Variants in NRXN3 observed in about 807,000 individuals in gnomAD.
NRXN3 encodes neurexin III.
A neutral mutation model predicts 137.6 loss-of-function variants in NRXN3; 32 were observed. That is an observed-to-expected ratio of 0.23 (90% confidence interval 0.18 to 0.31). The LOEUF is 0.31. Among genes scored for constraint, NRXN3 ranks in the 10% least tolerant of loss-of-function variants. The pLI, the probability that NRXN3 is intolerant of heterozygous loss-of-function variation, is 1.00. For synonymous variants in NRXN3, 798 were observed against 784.5 expected, an observed-to-expected ratio of 1.02 and a Z score of -0.29; for missense variants, 1,574 against 2,062.5, an observed-to-expected ratio of 0.76 and a Z score of 4.59.
At chr14:79,691,726 A>G (rs1383897690) in intron 17 of NRXN3, among the ~76,000 whole-genome samples, 2 of 152,042 alleles carry the variant, frequency 1.3e-5, no homozygotes, top group Admixed American at 6.6e-5. Flanking sequence ...ACATGGCCCT[A>G]TGTTTCTGAT....
chr14:78,285,755 G>C (rs1841138875), intron 3 of NRXN3, among the ~76,000 whole-genome samples: 1 of 152,248 alleles, frequency 6.6e-6, no homozygotes, highest in Admixed American at 6.5e-5. Flanking sequence ...GGTTCACCCT[G>C]AGACAGAAGG....
chr14:79,217,758 G>T (rs1286388801), intron 15 of NRXN3, among the ~76,000 whole-genome samples: 2 of 152,080 alleles, frequency 1.3e-5, no homozygotes, highest in East Asian at 1.9e-4. Context: ...ACTGGTCTAA[G>T]GTATAGACCA....
At chr14:78,216,459 ATC>A (rs1311693150) in intron 1 of NRXN3, among the ~76,000 whole-genome samples, 1 of 152,008 alleles carries the variant, frequency 6.6e-6, no homozygotes, top group Non-Finnish European at 1.5e-5. Context: ...CTGTTTTCCC[ATC>A]TTGTTCTACC....
chr14:79,128,090 GT>G (rs1396041125), intron 15 of NRXN3, among the ~76,000 whole-genome samples: 6 of 150,346 alleles, frequency 4.0e-5, no homozygotes, highest in African/African-American at 1.5e-4. Flanking sequence ...AGACAGTGGG[GT>G]TTTCTAGATA....
chr14:79,609,626 T>G (rs2098073153), intron 16 of NRXN3, among the ~76,000 whole-genome samples: 1 of 152,178 alleles, frequency 6.6e-6, no homozygotes, highest in Non-Finnish European at 1.5e-5. Flanking sequence ...CCCTTATTGA[T>G]CCCTATTTAT....
chr14:79,379,251 T>C (rs1325782631), intron 15 of NRXN3, among the ~76,000 whole-genome samples: 1 of 152,192 alleles, frequency 6.6e-6, no homozygotes, highest in Non-Finnish European at 1.5e-5. Context: ...ATGATTTTGG[T>C]AAATCCTTAA....
intron 15 of NRXN3, among the ~76,000 whole-genome samples, chr14:79,426,519 T>G (rs2153542282): frequency 6.6e-6 from 1 of 152,346 alleles, no homozygotes; most frequent in South Asian, 2.1e-4. Context: ...AGATTATTAC[T>G]GTTTGCCAAA....
intron 16 of NRXN3, among the ~76,000 whole-genome samples, chr14:79,643,676 T>A (rs2098442392): frequency 7.4e-6 from 1 of 134,850 alleles, no homozygotes; most frequent in Non-Finnish European, 1.7e-5. Context: ...AGACTTCATT[T>A]TTCTTTTAAT....
intron 6 of NRXN3, among the ~76,000 whole-genome samples, chr14:78,702,402 A>G (rs7158060): frequency 0.86 from 127,221 of 147,914 alleles, 55,038 homozygotes; most frequent in South Asian, 0.92. Context: ...CTTAGGCTTG[A>G]CAATTGGCTT....
chr14:78,225,988 T>TGTTG (rs1567013960), intron 1 of NRXN3, among the ~76,000 whole-genome samples: 8 of 144,712 alleles, frequency 5.5e-5, no homozygotes, highest in African/African-American at 2.2e-4. Context: ...TGTGTGTGTG[T>TGTTG]GTGTGTGTGT....
At chr14:78,204,642 T>A (rs1015631650) in intron 1 of NRXN3, among the ~76,000 whole-genome samples, 1 of 152,150 alleles carries the variant, frequency 6.6e-6, no homozygotes, top group Non-Finnish European at 1.5e-5. Flanking sequence ...TATTATGATC[T>A]AAATTAAATA....
chr14:79,671,642 T>C (rs1444719904), intron 17 of NRXN3, among the ~76,000 whole-genome samples: 2 of 152,056 alleles, frequency 1.3e-5, no homozygotes, highest in African/African-American at 4.8e-5. Flanking sequence ...AGGTGCTTAG[T>C]ATTTTTTTAA....
intron 19 of NRXN3, among the ~76,000 whole-genome samples, chr14:79,713,902 A>G (rs940508530): frequency 3.3e-5 from 5 of 152,084 alleles, no homozygotes; most frequent in Non-Finnish European, 7.4e-5. Context: ...AGGAGCAAGG[A>G]TTAGAATTGT....
chr14:79,296,975 G>A (rs2084276572), intron 15 of NRXN3, among the ~76,000 whole-genome samples: 1 of 152,138 alleles, frequency 6.6e-6, no homozygotes, highest in Non-Finnish European at 1.5e-5. Context: ...CTTGATTCCA[G>A]CGCCCTGGCC....
At chr14:78,888,664 T>C (rs1377157157) in intron 10 of NRXN3, among the ~76,000 whole-genome samples, 1 of 152,076 alleles carries the variant, frequency 6.6e-6, no homozygotes. Context: ...ACAAAGTTTA[T>C]TCAAAGTTAT....
chr14:78,223,467 G>A (rs2064096392), intron 1 of NRXN3, among the ~76,000 whole-genome samples: 1 of 152,174 alleles, frequency 6.6e-6, no homozygotes, highest in South Asian at 2.1e-4. Flanking sequence ...CCTCCTAGAT[G>A]TGCTTATATC....
rs974592807 is a variant in NRXN3 at position 78,657,441 on chromosome 14, G to T, written c.1221+6115G>T. On this transcript the variant is annotated intron_variant, in intron 6 of 20. Transcript: ENST00000335750. ...TTTTCCCAAGTGGAGAAGCGAAAGT[G>T]CCACTGAGACCTCTGGGACAGACTG... Among the ~76,000 whole-genome samples, 81 of 152,186 alleles carry T rather than the reference G, an allele frequency of 5.3e-4. 5 individuals are homozygous for T.
intron 1 of NRXN3, among the ~76,000 whole-genome samples, chr14:78,186,518 G>T (rs1011925641): frequency 6.6e-6 from 1 of 152,220 alleles, no homozygotes; most frequent in Non-Finnish European, 1.5e-5. Context: ...GAATCGCTGC[G>T]CTGGTTTCCA....
chr14:78,215,672 T>C (rs1159284814), intron 1 of NRXN3, among the ~76,000 whole-genome samples: 1 of 150,114 alleles, frequency 6.7e-6, no homozygotes, highest in Non-Finnish European at 1.5e-5. Context: ...GGAAATAGAC[T>C]AGGAAGCACC....
Sources: gnomAD v4.1 joint callset for allele counts (sites outside exome capture counted in the v4.1 genomes callset) on GRCh38, gnomAD v4.1.1 for gene constraint, MANE v1.5 for transcripts, NCBI Gene and HGNC (gene_info 2026-07-23, HGNC 2026-07-21) for gene names.